The following IPO11 variants were observed in gnomAD, a reference collection of about 807,000 sequenced individuals.
IPO11 encodes importin-11.
In IPO11, 66 loss-of-function variants were observed where a neutral mutation model predicts 143.2. The ratio of observed to expected loss-of-function variants is 0.46; its 90% CI spans 0.38 to 0.57. The LOEUF (loss-of-function observed/expected upper bound fraction) is 0.57. IPO11 is among the 20% of genes least tolerant of loss of function. IPO11 has a pLI of 0.00. For missense variants in IPO11, 1,026 were observed against 1,141.0 expected (o/e 0.90, Z 1.45); for synonymous variants, 385 against 377.8 (o/e 1.02, Z -0.22).
intron 26 of IPO11, among the ~76,000 whole-genome samples, chr5:62,557,277 G>A (rs1192153189): frequency 2.0e-5 from 3 of 151,916 alleles, no homozygotes; most frequent in African/African-American, 4.8e-5. Context: ...TCCACCTCCC[G>A]GGTTCAAGTG....
intron 29 of IPO11, among the ~76,000 whole-genome samples, chr5:62,615,006 C>T (rs145287515): frequency 2.7e-4 from 41 of 152,240 alleles, no homozygotes; most frequent in Non-Finnish European, 4.4e-5. Context: ...CTCCTATTGG[C>T]GTTCTGATGC....
chr5:62,518,867 A>C (rs1742116122), intron 20 of IPO11, among the ~76,000 whole-genome samples: 1 of 152,244 alleles, frequency 6.6e-6, no homozygotes, highest in African/African-American at 2.4e-5. Flanking sequence ...GAGAACCTGC[A>C]ATGTGCAATA....
intron 28 of IPO11, among the ~76,000 whole-genome samples, chr5:62,594,048 A>G (rs1745126872): frequency 6.6e-6 from 1 of 152,202 alleles, no homozygotes; most frequent in African/African-American, 2.4e-5. Flanking sequence ...AAAAAAGTTA[A>G]TCTTTCTGGT....
At position 62,489,800 on chromosome 5, in the gene IPO11, T is replaced by G. The variant is rs559379664; in HGVS notation, c.1358-315T>G. On this transcript the variant is annotated intron_variant, in intron 14 of 29. Coordinates refer to ENST00000325324, the MANE Select transcript of IPO11 (RefSeq NM_016338.5). Reference sequence around the variant, plus strand: ...AGGTTGAGTTGAGGCTGGAGAGAGTTAAGTAGGGACCAGATCATAAAATAT... The same window carrying G: ...AGGTTGAGTTGAGGCTGGAGAGAGTGAAGTAGGGACCAGATCATAAAATAT... Among the ~76,000 whole-genome samples the G allele has an allele frequency of 5.3e-5, 8 of 152,302 alleles. No homozygotes were observed. In the South Asian group the frequency reaches 1.7e-3, roughly 32 times the overall value.
intron 8 of IPO11, 33 bp from the exon 9 acceptor site, chr5:62,476,650 T>G: frequency 6.7e-7 from 1 of 1,499,054 alleles, no homozygotes; most frequent in African/African-American, 1.4e-5. Context: ...GTGAACTTAT[T>G]AACTTCTAAT....
chr5:62,500,891 C>T (rs1275334079), intron 16 of IPO11, among the ~76,000 whole-genome samples: 8 of 152,176 alleles, frequency 5.3e-5, no homozygotes, highest in Admixed American at 5.2e-4. Flanking sequence ...TGTGTTTTGA[C>T]AGCCATGACA....
chr5:62,425,141 T>C (rs1743677647), intron 1 of IPO11, among the ~76,000 whole-genome samples: 1 of 152,180 alleles, frequency 6.6e-6, no homozygotes, highest in African/African-American at 2.4e-5. Flanking sequence ...CATTCTTTGC[T>C]CTATCCTCCT....
intron 2 of IPO11, among the ~76,000 whole-genome samples, chr5:62,442,362 T>C (rs1744514950): frequency 6.6e-6 from 1 of 152,210 alleles, no homozygotes; most frequent in East Asian, 1.9e-4. Flanking sequence ...TGCTTGTTTC[T>C]GAATTTAATT....
At chr5:62,503,139 C>G (rs1001657985) in intron 16 of IPO11, among the ~76,000 whole-genome samples, 4 of 151,794 alleles carry the variant, frequency 2.6e-5, no homozygotes, top group African/African-American at 9.7e-5. Context: ...TTTCTTGTTT[C>G]TTTTTGAGGG....
rs1335712471 is a variant in IPO11 at position 62,490,256 on chromosome 5, T to G, written c.1463+36T>G. Reference sequence around the variant, plus strand: ...AATTTTATATTTATTATACACTTACTTTACCTTATTTATTTTATTAATGAA... The same window carrying G: ...AATTTTATATTTATTATACACTTACGTTACCTTATTTATTTTATTAATGAA... On this transcript the variant is annotated intron_variant, in intron 15 of 29. Transcript: ENST00000325324. The G allele has an allele frequency of 5.4e-6, 7 of 1,303,650 alleles. No individual in the cohort carries two copies. In the African/African-American group the frequency reaches 9.2e-5, roughly 17 times the overall value. 80.8% of individuals were successfully genotyped at this position (1,303,650 alleles called of 1,614,324 possible).
intron 16 of IPO11, 30 bp downstream of exon 16, chr5:62,494,154 A>G (rs778422317): frequency 5.1e-6 from 8 of 1,575,416 alleles, no homozygotes; most frequent in Non-Finnish European, 6.9e-6. Context: ...TAAAAGAGTT[A>G]GTTTTTAAAG....
Position 62,467,337 on chromosome 5 carries a change from G to A in IPO11, c.649+74G>A, listed in dbSNP as rs1042331532. 8 of 1,431,860 alleles carry A rather than the reference G, an allele frequency of 5.6e-6. No individual in the cohort carries two copies. The African/African-American group carries it at 5.8e-5, about 10-fold the overall frequency. The allele number at this position is 1,431,860 out of a possible 1,614,324, so 88.7% of individuals were successfully genotyped here. ...CAGTCACCAAATAGTTCCTTTAGAC[G>A]GGTTTTCTGTTCCCAGTTTCACTGG... On this transcript the variant is annotated intron_variant, in intron 6 of 29. Transcript: ENST00000325324.
Position 62,476,695 on chromosome 5 carries a change from G to A in IPO11, c.770G>A (p.Gly257Asp), listed in dbSNP as rs767543822. The A allele has an allele frequency of 7.2e-5, 109 of 1,521,304 alleles. No individual in the cohort carries two copies. Among genetic ancestry groups the A allele is most frequent in the Non-Finnish European group, 9.5e-5 (108 of 1,131,996 alleles). 94.2% of individuals were successfully genotyped at this position (1,521,304 alleles called of 1,614,324 possible). The change falls in exon 9 of 30, where the codon GGT (glycine) becomes GAT (aspartate). Residue 257 changes from glycine to aspartate, a missense_variant. Coordinates refer to ENST00000325324, the MANE Select transcript of IPO11 (RefSeq NM_016338.5). Reference sequence around the variant, plus strand: ...GTATTTTTAACAGGTAGAAGTATAGGTACAGATAATGTGTGTAGAGATAGA... The same window carrying A: ...GTATTTTTAACAGGTAGAAGTATAGATACAGATAATGTGTGTAGAGATAGA... ...KQFLECSRSI[G>D]TDNVCRDRLE...
At chr5:62,545,286 A>G (rs567314023) in intron 24 of IPO11, among the ~76,000 whole-genome samples, 3 of 152,294 alleles carry the variant, frequency 2.0e-5, no homozygotes, top group South Asian at 2.1e-4. Context: ...GTCCTCAGAA[A>G]TAATACCACA....
At chr5:62,452,755 T>C (rs1196105456) in intron 5 of IPO11, among the ~76,000 whole-genome samples, 1 of 112,216 alleles carries the variant, frequency 8.9e-6, no homozygotes, top group Non-Finnish European at 1.9e-5. Flanking sequence ...TGTGTGTGTG[T>C]GTGTGCACGC....
intron 23 of IPO11, 69 bp downstream of exon 23, chr5:62,536,850 G>T (rs556509588): frequency 2.5e-4 from 334 of 1,343,348 alleles, no homozygotes; most frequent in Middle Eastern, 2.5e-3. Flanking sequence ...TTGAAATCAG[G>T]GGGTACGTTT....
chr5:62,489,382 A>C (rs373896906), intron 14 of IPO11, 33 bp downstream of exon 14: 1 of 1,448,998 alleles, frequency 6.9e-7, no homozygotes, highest in African/African-American at 1.4e-5. Flanking sequence ...AGAAGCATTT[A>C]TTTATTCAGT....
intron 3 of IPO11, among the ~76,000 whole-genome samples, chr5:62,449,433 C>T (rs887196198): frequency 6.6e-6 from 1 of 152,050 alleles, no homozygotes; most frequent in Admixed American, 6.5e-5. Flanking sequence ...AATCTCTTGC[C>T]CCATAGAATA....
chr5:62,565,466 A>G (rs1743902855), intron 27 of IPO11, among the ~76,000 whole-genome samples: 1 of 152,208 alleles, frequency 6.6e-6, no homozygotes, highest in Non-Finnish European at 1.5e-5. Context: ...AGCCTGGGCA[A>G]CAGAGTGAGA....
Sources: gnomAD v4.1 joint callset for allele counts (sites outside exome capture counted in the v4.1 genomes callset) on GRCh38, gnomAD v4.1.1 for gene constraint, MANE v1.5 for transcripts, NCBI Gene and HGNC (gene_info 2026-07-23, HGNC 2026-07-21) for gene names.